UBE2H: variants seen among roughly 807,000 people sequenced by gnomAD.
UBE2H encodes ubiquitin-conjugating enzyme E2 H.
A neutral mutation model predicts 29.0 loss-of-function variants in UBE2H; 3 were observed. The ratio of observed to expected loss-of-function variants is 0.10; its 90% CI spans 0.05 to 0.27. The LOEUF is 0.27. Among genes scored for constraint, UBE2H ranks in the 10% least tolerant of loss-of-function variants. The pLI, the probability that UBE2H is intolerant of heterozygous loss-of-function variation, is 1.00. For synonymous variants in UBE2H, 69 were observed against 82.9 expected (o/e 0.83, Z 0.91); for missense variants, 68 against 228.2 (o/e 0.30, Z 4.52).
At chr7:129,870,404 A>G (rs569118176) in intron 3 of UBE2H, among the ~76,000 whole-genome samples, 1 of 152,332 alleles carries the variant, frequency 6.6e-6, no homozygotes, top group African/African-American at 2.4e-5. Flanking sequence ...TCGCTTGAGT[A>G]TAGGAGTTCA....
chr7:129,937,327 TCAAAA>T (rs906162074), intron 1 of UBE2H, among the ~76,000 whole-genome samples: 1 of 151,468 alleles, frequency 6.6e-6, no homozygotes, highest in Non-Finnish European at 1.5e-5. Flanking sequence ...AGACTCCATC[TCAAAA>T]CAAAAAAAAG....
At chr7:129,921,694 CAAAA>C (rs1047164274) in intron 1 of UBE2H, among the ~76,000 whole-genome samples, 2 of 68,502 alleles carry the variant, frequency 2.9e-5, no homozygotes, top group Non-Finnish European at 6.0e-5. Context: ...GACTCTGTCA[CAAAA>C]AAAAAAAAAA....
rs1272553387 is a variant in UBE2H, at chr7:129,938,559, C to T, written c.53+13944G>A. Among the ~76,000 whole-genome samples, 6 of 143,350 alleles carry T rather than the reference C, an allele frequency of 4.2e-5. No homozygotes were observed. The East Asian group carries it at 1.3e-3, about 32-fold the overall frequency. 94.0% of individuals were successfully genotyped at this position (143,350 alleles called of 152,430 possible). A position where few individuals can be genotyped will look rare whatever the true frequency, so the allele number is the denominator to read the frequency against. On this transcript the variant is annotated intron_variant, in intron 1 of 6. Coordinates refer to ENST00000355621, the MANE Select transcript of UBE2H (RefSeq NM_003344.4). ...GAGAAACCCGTCTCTACTAAAAATA[C>T]AAAATTAGCTGGGCATGGTGGCACA...
At chr7:129,941,874 C>T (rs929576075) in intron 1 of UBE2H, among the ~76,000 whole-genome samples, 1 of 151,984 alleles carries the variant, frequency 6.6e-6, no homozygotes. Flanking sequence ...TATCAAATAA[C>T]TCTTAAGATG....
At chr7:129,920,247 TAAAC>T (rs148479512) in intron 1 of UBE2H, among the ~76,000 whole-genome samples, 5,677 of 152,200 alleles carry the variant, frequency 0.037, 357 homozygotes, top group African/African-American at 0.13. Context: ...ATTATGCAAA[TAAAC>T]ACACACATAT....
chr7:129,917,289 T>C (rs941316894), intron 1 of UBE2H, among the ~76,000 whole-genome samples: 2 of 152,246 alleles, frequency 1.3e-5, no homozygotes, highest in Non-Finnish European at 2.9e-5. Context: ...ACAGTCACCT[T>C]GTATCCAACT....
intron 1 of UBE2H, among the ~76,000 whole-genome samples, chr7:129,915,694 T>G (rs568365519): frequency 1.3e-5 from 2 of 152,244 alleles, no homozygotes; most frequent in South Asian, 4.1e-4. Flanking sequence ...GAACTTTAAC[T>G]CCTTGTAAAA....
chr7:129,874,360 A>C (rs1027762006), intron 3 of UBE2H, among the ~76,000 whole-genome samples: 1 of 148,508 alleles, frequency 6.7e-6, no homozygotes, highest in Non-Finnish European at 1.5e-5. Context: ...CCCAGGCTGG[A>C]GTGCAGTGGC....
chr7:129,930,997 T>C (rs1033575049), intron 1 of UBE2H, among the ~76,000 whole-genome samples: 6 of 147,020 alleles, frequency 4.1e-5, no homozygotes, highest in Non-Finnish European at 8.9e-5. Context: ...GGCAGGTGGA[T>C]CACCTGAGGT....
At chr7:129,943,468 A>C (rs958912309) in intron 1 of UBE2H, among the ~76,000 whole-genome samples, 3 of 152,258 alleles carry the variant, frequency 2.0e-5, no homozygotes, top group African/African-American at 7.2e-5. Flanking sequence ...AATCAGCTTT[A>C]ACCAAATTCA....
At chr7:129,952,406 G>A in intron 1 of UBE2H, 97 bp downstream of exon 1, 1 of 1,484,064 alleles carries the variant, frequency 6.7e-7, no homozygotes, top group Non-Finnish European at 9.2e-7. Flanking sequence ...ACAGTGGCCT[G>A]GAGTGCCCCA....
intron 1 of UBE2H, among the ~76,000 whole-genome samples, chr7:129,942,137 CG>C (rs1187028610): frequency 7.3e-5 from 10 of 137,766 alleles, no homozygotes; most frequent in Admixed American, 3.1e-4. Flanking sequence ...GTTCAGAATC[CG>C]GAAGTTCGAG....
intron 3 of UBE2H, among the ~76,000 whole-genome samples, chr7:129,869,373 T>C (rs557940131): frequency 6.6e-6 from 1 of 152,192 alleles, no homozygotes; most frequent in South Asian, 2.1e-4. Flanking sequence ...TCTCCTATCC[T>C]ACCAATCCCC....
chr7:129,876,594 G>A (rs753613849), intron 3 of UBE2H, among the ~76,000 whole-genome samples: 13 of 152,218 alleles, frequency 8.5e-5, no homozygotes, highest in East Asian at 7.7e-4. Context: ...GATATTACTC[G>A]TTTTTCCATT....
chr7:129,868,574 G>A (rs1304046576), intron 3 of UBE2H, among the ~76,000 whole-genome samples: 1 of 115,850 alleles, frequency 8.6e-6, no homozygotes, highest in Admixed American at 1.1e-4. Context: ...GCGACAGAGC[G>A]AGACTCCGTC....
intron 1 of UBE2H, among the ~76,000 whole-genome samples, chr7:129,899,461 CT>C (rs1554436814): frequency 2.6e-5 from 4 of 152,008 alleles, no homozygotes; most frequent in East Asian, 1.9e-4. Context: ...TTGTCCAGTG[CT>C]TTTTTTTCTC....
intron 1 of UBE2H, among the ~76,000 whole-genome samples, chr7:129,887,932 C>T (rs187749677): frequency 7.2e-5 from 11 of 152,180 alleles, no homozygotes; most frequent in Non-Finnish European, 7.4e-5. Flanking sequence ...AAAGACTTTA[C>T]ATTGAAAGAG....
At chr7:129,846,584 G>T (rs2116285882) in intron 5 of UBE2H, among the ~76,000 whole-genome samples, 1 of 151,364 alleles carries the variant, frequency 6.6e-6, no homozygotes, top group Non-Finnish European at 1.5e-5. Flanking sequence ...AAAAAAAAAT[G>T]TAATATACAC....
chr7:129,930,033 G>T lies in UBE2H; in HGVS notation c.53+22470C>A, dbSNP rs146786850. Among the ~76,000 whole-genome samples the T allele has an allele frequency of 1.8e-3, 277 of 152,094 alleles. 2 individuals are homozygous for T. The highest frequency in any genetic ancestry group is 5.4e-3 in the South Asian group (26 of 4,814). ...AAAACAAAACAAAACAAAAAAAACG[G>T]ATATACAAGAAACTGTGCTAGGTTA... is the stretch of plus-strand genomic sequence containing the variant. On this transcript the variant is annotated intron_variant, in intron 1 of 6. Transcript: ENST00000355621.
Sources: allele counts gnomAD v4.1 joint callset (sites outside exome capture counted in the v4.1 genomes callset), GRCh38; gene constraint gnomAD v4.1.1; transcripts MANE v1.5; gene names NCBI Gene and HGNC (gene_info 2026-07-23, HGNC 2026-07-21).